The following MYPN variants were observed in gnomAD, a reference collection of about 807,000 sequenced individuals.
MYPN encodes the protein myopalladin, also known as sarcomeric protein myopalladin, 145 kDa (MYOP).
MYPN carries 63 observed loss-of-function variants against 129.4 expected under a neutral mutation model. The observed-to-expected ratio is 0.49, with a 90% CI of 0.40 to 0.60. MYPN has a LOEUF of 0.60. Ranked by LOEUF, MYPN falls within the 20% of genes least tolerant of loss-of-function variation. MYPN has a pLI of 0.00. For synonymous variants in MYPN, 629 were observed against 600.9 expected, an observed-to-expected ratio of 1.05 and a Z score of -0.68; for missense variants, 1,596 against 1,635.4, an observed-to-expected ratio of 0.98 and a Z score of 0.42.
intron 6 of MYPN, among the ~76,000 whole-genome samples, chr10:68,157,614 A>C (rs1419726550): frequency 6.7e-5 from 10 of 148,432 alleles, no homozygotes; most frequent in Non-Finnish European, 1.3e-4. Flanking sequence ...TGGGTGGATC[A>C]CTTGAGCCCA....
chr10:68,158,118 T>C (rs533030186), intron 6 of MYPN: 59 of 210,728 alleles, frequency 2.8e-4, no homozygotes, highest in Non-Finnish European at 4.6e-4. Context: ...TGTCACCCCA[T>C]TGATGGCCAG....
Position 68,182,458 on chromosome 10 carries a change from TATATA to T in MYPN, c.2704-6445_2704-6441del, listed in dbSNP as rs1217537639. 5.9e-4 allele frequency among the ~76,000 whole-genome samples: 63 copies of T among 107,620 alleles called. 1 individual carries two copies. Among genetic ancestry groups the T allele is most frequent in the African/African-American group, 2.2e-3 (58 of 26,088 alleles). The allele number at this position is 107,620 out of a possible 152,430, so 70.6% of individuals were successfully genotyped here. The stretch of plus-strand genomic sequence containing the variant: ...ATATATAACATATATATAACATATA[TATATA>T]ACATATATACACACACACACACACA... On this transcript the variant is annotated intron_variant, in intron 12 of 19. Transcript: ENST00000358913.
intron 4 of MYPN, among the ~76,000 whole-genome samples, chr10:68,147,398 C>T (rs1051117684): frequency 6.6e-6 from 1 of 152,182 alleles, no homozygotes; most frequent in Non-Finnish European, 1.5e-5. Context: ...CTTAAGTGAT[C>T]CACCCACTTC....
chr10:68,102,038 G>A (rs921974607), upstream of MYPN, among the ~76,000 whole-genome samples: 1 of 150,058 alleles, frequency 6.7e-6, no homozygotes, highest in African/African-American at 2.5e-5. Flanking sequence ...GGGTTCTCTT[G>A]AATGATGAAT....
intron 13 of MYPN, among the ~76,000 whole-genome samples, chr10:68,192,409 G>A (rs1317679812): frequency 6.6e-6 from 1 of 152,108 alleles, no homozygotes; most frequent in Non-Finnish European, 1.5e-5. Context: ...GTAGTATTTT[G>A]TTGAGGATTT....
intron 7 of MYPN, among the ~76,000 whole-genome samples, chr10:68,161,122 A>G (rs1026824947): frequency 6.6e-6 from 1 of 152,148 alleles, no homozygotes; most frequent in Admixed American, 6.6e-5. Context: ...AATATAACTA[A>G]CTCACAAACC....
chr10:68,188,505 T>C (rs1214267829), intron 12 of MYPN, among the ~76,000 whole-genome samples: 1 of 151,742 alleles, frequency 6.6e-6, no homozygotes, highest in Non-Finnish European at 1.5e-5. Context: ...AAAAATCCAG[T>C]AGAGACAGGA....
intron 3 of MYPN, among the ~76,000 whole-genome samples, chr10:68,144,007 G>A (rs541614872): frequency 1.8e-4 from 28 of 151,412 alleles, no homozygotes; most frequent in Admixed American, 1.6e-3. Flanking sequence ...TGCCCACCTC[G>A]GCCTCCCAAA....
chr10:68,145,273 C>A (rs773377666), intron 3 of MYPN, among the ~76,000 whole-genome samples: 1 of 152,122 alleles, frequency 6.6e-6, no homozygotes, highest in South Asian at 2.1e-4. Context: ...ATCCACCCCC[C>A]TCGGCCTCCC....
At chr10:68,179,572 C>T (rs562176290) in intron 12 of MYPN, among the ~76,000 whole-genome samples, 148 of 152,308 alleles carry the variant, frequency 9.7e-4, no homozygotes, top group Non-Finnish European at 1.8e-3. Context: ...AAATAGTTCA[C>T]TTGACTATAT....
intron 2 of MYPN, among the ~76,000 whole-genome samples, chr10:68,133,210 G>A (rs1201269158): frequency 1.3e-5 from 2 of 151,868 alleles, no homozygotes; most frequent in African/African-American, 4.8e-5. Flanking sequence ...ATGTTTAGTA[G>A]AGACGGGTTC....
intron 17 of MYPN, 63 bp downstream of exon 17, chr10:68,199,638 G>A: frequency 6.6e-7 from 1 of 1,520,682 alleles, no homozygotes; most frequent in Non-Finnish European, 9.1e-7. Context: ...CAAAGAGGCA[G>A]AGCCTCTGCC....
chr10:68,134,649 G>A (rs1001151347), intron 2 of MYPN, among the ~76,000 whole-genome samples: 1 of 152,022 alleles, frequency 6.6e-6, no homozygotes, highest in Non-Finnish European at 1.5e-5. Context: ...ACAAAAATTA[G>A]CTGGGCATGT....
At chr10:68,153,876 A>G (rs1261571426) in intron 6 of MYPN, among the ~76,000 whole-genome samples, 1 of 149,826 alleles carries the variant, frequency 6.7e-6, no homozygotes, top group African/African-American at 2.4e-5. Flanking sequence ...CTCACTTTCT[A>G]TACTGCCCAA....
At chr10:68,156,067 T>C (rs1284537830) in intron 6 of MYPN, among the ~76,000 whole-genome samples, 1 of 152,240 alleles carries the variant, frequency 6.6e-6, no homozygotes, top group East Asian at 1.9e-4. Flanking sequence ...GATTGGGAAC[T>C]GGCTCATATA....
In MYPN at chr10:68,143,043, A is replaced by T. The variant is rs2134066600; in HGVS notation, c.1006A>T (p.Thr336Ser). 1.9e-6 allele frequency: 3 copies of T among 1,614,174 alleles called. No homozygotes were observed. Among genetic ancestry groups the T allele is most frequent in the Non-Finnish European group, 1.7e-6 (2 of 1,180,008 alleles). Residue 336 changes from threonine (T) to serine (S), a missense_variant, in exon 3 of 20, where the codon ACA becomes TCA. Thr to Ser is a moderately conservative substitution (Grantham distance 58, BLOSUM62 1). Transcript: ENST00000358913. ...LTIAEAFEED[T>S]GRYSCFASNI... ...CATTGCGGAAGCCTTTGAAGAGGAC[A>T]CAGGACGCTATTCCTGCTTTGCTTC... is the stretch of plus-strand genomic sequence containing the variant.
At chr10:68,153,946 C>G (rs1457093165) in intron 6 of MYPN, among the ~76,000 whole-genome samples, 1 of 151,282 alleles carries the variant, frequency 6.6e-6, no homozygotes, top group African/African-American at 2.4e-5. Context: ...TAAAGCAACG[C>G]TTAGCGAGCA....
At chr10:68,173,739 G>A (rs2134196666) in intron 10 of MYPN, among the ~76,000 whole-genome samples, 1 of 151,664 alleles carries the variant, frequency 6.6e-6, no homozygotes, top group Middle Eastern at 3.4e-3. Flanking sequence ...GATCCTCCTG[G>A]GATCACTAAA....
At chr10:68,093,948 T>C (rs2041943317) in intron 1 of MYPN, among the ~76,000 whole-genome samples, 1 of 151,956 alleles carries the variant, frequency 6.6e-6, no homozygotes, top group Admixed American at 6.6e-5. Flanking sequence ...TTAGGCTACA[T>C]AGGGAAACTT....
Sources: allele counts gnomAD v4.1 joint callset (sites outside exome capture counted in the v4.1 genomes callset), GRCh38; gene constraint gnomAD v4.1.1; transcripts MANE v1.5; gene names NCBI Gene and HGNC (gene_info 2026-07-23, HGNC 2026-07-21).